PCDHGA11: variants seen among roughly 807,000 people sequenced by gnomAD.
PCDHGA11 encodes the protein protocadherin gamma-A11.
In PCDHGA11, 39 loss-of-function variants were observed where a neutral mutation model predicts 60.4. That is an observed-to-expected ratio of 0.65 (90% confidence interval 0.50 to 0.84). PCDHGA11 has a LOEUF of 0.84. Among genes scored for constraint, PCDHGA11 ranks in the 40% least tolerant of loss-of-function variants. The pLI is 0.00. For missense variants in PCDHGA11, 1,165 were observed against 1,197.7 expected (o/e 0.97, Z 0.40); for synonymous variants, 533 against 510.3 (o/e 1.04, Z -0.60).
rs759756007 is a variant in PCDHGA11 at position 141,476,248 on chromosome 5, T to C, written c.2434-18559T>C. 2 of 1,613,856 alleles carry C rather than the reference T, an allele frequency of 1.2e-6. No individual in the cohort carries two copies. Among genetic ancestry groups the C allele is most frequent in the South Asian group, 2.2e-5 (2 of 91,050 alleles). On this transcript the variant is annotated intron_variant, in intron 1 of 3. Transcript: ENST00000398587. The surrounding 1 kb of genome is among the most constrained non-coding windows in gnomAD (Gnocchi z 7.6). The stretch of plus-strand genomic sequence containing the variant: ...AGATCCCGGAGGAAAGAGAGAAGGG[T>C]TTCGCTGTGGGCAACGTGGTCGCGA...
At chr5:141,473,369 G>T (rs888984972) in intron 1 of PCDHGA11, among the ~76,000 whole-genome samples, 1 of 152,200 alleles carries the variant, frequency 6.6e-6, no homozygotes, top group Non-Finnish European at 1.5e-5. Flanking sequence ...CACCAAAATA[G>T]CATGGTCCCT....
In PCDHGA11 at chr5:141,477,279, C is replaced by T. The variant is rs2099408674; in HGVS notation, c.2434-17528C>T. ...GATGCTGGCGAGAACGGGCTGGTGA[C>T]CTGCGAAGTTCCACCGGGTCTCCCT... is the stretch of plus-strand genomic sequence containing the variant. On this transcript the variant is annotated intron_variant, in intron 1 of 3. Transcript: ENST00000398587. The surrounding 1 kb of genome is among the most constrained non-coding windows in gnomAD (Gnocchi z 4.9). 6.2e-7 allele frequency: 1 copy of T among 1,614,054 alleles called. No individual in the cohort carries two copies. Among genetic ancestry groups the T allele is most frequent in the Non-Finnish European group, 8.5e-7 (1 of 1,180,050 alleles).
intron 1 of PCDHGA11, among the ~76,000 whole-genome samples, chr5:141,436,742 G>A (rs568532036): frequency 3.9e-4 from 59 of 152,304 alleles, no homozygotes; most frequent in Non-Finnish European, 7.1e-4. Flanking sequence ...ATTTTTGTGT[G>A]CTTCTCCATA....
Position 141,422,740 on chromosome 5 carries a change from T to C in PCDHGA11, c.1513T>C (p.Tyr505His), listed in dbSNP as rs536737009. The C allele has an allele frequency of 2.7e-5, 43 of 1,609,962 alleles. 1 individual carries two copies. In the South Asian group the frequency reaches 4.8e-4, roughly 18 times the overall value. The change falls in exon 1 of 4, where the codon TAT becomes CAT. Residue 505 changes from tyrosine (Y) to histidine (H), a missense_variant. Physicochemically the swap from Tyr to His is moderately conservative, Grantham distance 83. Transcript: ENST00000398587. ...TGTCCAGGGGGTGCCTCTGTCCTCC[T>C]ATGTCTCTATTAACTCCAACACTGG... is the stretch of plus-strand genomic sequence containing the variant. Reference protein sequence around the residue: ...DTVQGVPLSSYVSINSNTGVL... With the variant: ...DTVQGVPLSSHVSINSNTGVL...
intron 1 of PCDHGA11, among the ~76,000 whole-genome samples, chr5:141,464,286 A>AT (rs1453289283): frequency 6.6e-6 from 1 of 151,420 alleles, no homozygotes; most frequent in African/African-American, 2.4e-5. Flanking sequence ...AAGCAAAAAA[A>AT]AAAACTCCAT....
intron 1 of PCDHGA11, among the ~76,000 whole-genome samples, chr5:141,438,587 CATACATAT>C (rs1166583123): frequency 1.2e-4 from 9 of 73,430 alleles, no homozygotes; most frequent in Non-Finnish European, 1.6e-4. Flanking sequence ...TACATACATA[CATACATAT>C]ATATATATAT....
intron 1 of PCDHGA11, among the ~76,000 whole-genome samples, chr5:141,450,894 G>C (rs919860611): frequency 6.7e-6 from 1 of 148,956 alleles, no homozygotes; most frequent in Admixed American, 6.7e-5. Context: ...GTGCGATATC[G>C]GCTCACTGCA....
In PCDHGA11 at chr5:141,432,139, T is replaced by A. The variant is rs950514553; in HGVS notation, c.2433+8479T>A. ...TCCCTCAGGCCTCCTATTCCGCTTA[T>A]ATCCCAGAGAACAATCCCAGAGGAG... is the stretch of plus-strand genomic sequence containing the variant. On this transcript the variant is annotated intron_variant, in intron 1 of 3. Transcript: ENST00000398587. The surrounding 1 kb of genome is among the most constrained non-coding windows in gnomAD (Gnocchi z 6.0). The A allele has an allele frequency of 6.8e-6, 11 of 1,613,976 alleles. No individual in the cohort carries two copies. Among genetic ancestry groups the A allele is most frequent in the Non-Finnish European group, 9.3e-6 (11 of 1,180,032 alleles).
At position 141,431,896 on chromosome 5, in the gene PCDHGA11, C is replaced by A. The variant is rs1292629023; in HGVS notation, c.2433+8236C>A. The A allele has an allele frequency of 6.2e-7, 1 of 1,613,940 alleles. No homozygotes were observed. The highest frequency in any genetic ancestry group is 1.3e-5 in the African/African-American group (1 of 74,924). On this transcript the variant is annotated intron_variant, in intron 1 of 3. Coordinates refer to ENST00000398587, the MANE Select transcript of PCDHGA11 (RefSeq NM_018914.3). This position sits in a 1 kb window ranked among gnomAD's most constrained non-coding sequence, Gnocchi z 4.8. Reference sequence around the variant, plus strand: ...TAAATGACCAAGATTCTGAGGAAAACGGACAGGTGATCTGTTTCATCCAAG... The same window carrying A: ...TAAATGACCAAGATTCTGAGGAAAAAGGACAGGTGATCTGTTTCATCCAAG...
At chr5:141,451,832 G>A (rs1190124133) in intron 1 of PCDHGA11, among the ~76,000 whole-genome samples, 1 of 150,948 alleles carries the variant, frequency 6.6e-6, no homozygotes, top group Non-Finnish European at 1.5e-5. Context: ...AGTGAGCCGA[G>A]ATCACACCAC....
At chr5:141,430,980 T>C in intron 1 of PCDHGA11, 1 of 1,613,618 alleles carries the variant, frequency 6.2e-7, no homozygotes, top group African/African-American at 1.3e-5. Context: ...AGGACGCAGC[T>C]TTTCGCCCTG....
In PCDHGA11 at chr5:141,486,675, A is replaced by T; in HGVS notation, c.2434-8132A>T. On this transcript the variant is annotated intron_variant, in intron 1 of 3. Coordinates refer to ENST00000398587, the MANE Select transcript of PCDHGA11 (RefSeq NM_018914.3). The surrounding 1 kb of genome is among the most constrained non-coding windows in gnomAD (Gnocchi z 5.0). ...TCACTCCTGGAGCCCAGGAATCGAGATGTATCAGCTTCCTCTTTCATCTCT... is the reference window on the plus strand; with the variant it reads ...TCACTCCTGGAGCCCAGGAATCGAGTTGTATCAGCTTCCTCTTTCATCTCT... The T allele has an allele frequency of 6.2e-7, 1 of 1,614,056 alleles. No individual in the cohort carries two copies. The highest frequency in any genetic ancestry group is 8.5e-7 in the Non-Finnish European group (1 of 1,180,016).
intron 1 of PCDHGA11, among the ~76,000 whole-genome samples, chr5:141,471,046 CT>C (rs1170588345): frequency 0.24 from 27,253 of 113,216 alleles, 2,739 homozygotes; most frequent in African/African-American, 0.39. Context: ...CCCAAGCCCT[CT>C]TTTTTTTTTT....
At chr5:141,441,820 G>A in intron 1 of PCDHGA11, 1 of 359,390 alleles carries the variant, frequency 2.8e-6, no homozygotes, top group Non-Finnish European at 5.5e-6. Flanking sequence ...CCCAGCTCTG[G>A]AGCGCAATGG....
At chr5:141,478,108 G>A (rs1160328367) in intron 1 of PCDHGA11, 1 of 1,614,046 alleles carries the variant, frequency 6.2e-7, no homozygotes, top group Admixed American at 1.7e-5. Flanking sequence ...CCCTCACTGT[G>A]TCAGTAACCG....
chr5:141,451,443 C>A (rs1184838490), intron 1 of PCDHGA11, among the ~76,000 whole-genome samples: 1 of 152,176 alleles, frequency 6.6e-6, no homozygotes, highest in Non-Finnish European at 1.5e-5. Context: ...CAGTTCCTTG[C>A]TGGTTGTTAG....
intron 1 of PCDHGA11, 102 bp from the exon 2 acceptor site, chr5:141,494,705 G>A (rs2099756254): frequency 1.3e-6 from 2 of 1,597,990 alleles, no homozygotes; most frequent in East Asian, 2.2e-5. Context: ...TTTCTTCTCT[G>A]TGCCCACTCC....
chr5:141,510,834 G>T, intron 3 of PCDHGA11, 113 bp from the exon 4 acceptor site: 1 of 1,581,880 alleles, frequency 6.3e-7, no homozygotes. Flanking sequence ...AGTGCTCAGC[G>T]TGGTCAAGGC....
In PCDHGA11 at chr5:141,477,125, A is replaced by G; in HGVS notation, c.2434-17682A>G. The G allele has an allele frequency of 2.5e-6, 4 of 1,614,212 alleles. No individual in the cohort carries two copies. The highest frequency in any genetic ancestry group is 3.4e-6 in the Non-Finnish European group (4 of 1,180,036). On this transcript the variant is annotated intron_variant, in intron 1 of 3. Transcript: ENST00000398587. This position sits in a 1 kb window ranked among gnomAD's most constrained non-coding sequence, Gnocchi z 4.9. ...CGCCAATCCCGAAGGAGCACATTGC[A>G]AAGTGTTGGTGGAGGTTGTGGATGT...
Sources: allele counts gnomAD v4.1 joint callset (sites outside exome capture counted in the v4.1 genomes callset), GRCh38; gene constraint gnomAD v4.1.1; non-coding constraint Gnocchi (gnomAD v3.1); transcripts MANE v1.5; gene names NCBI Gene and HGNC (gene_info 2026-07-23, HGNC 2026-07-21).